The following ARL15 variants were observed in gnomAD, a reference collection of about 807,000 sequenced individuals.
ARL15 encodes the protein ARF like GTPase 15, also known as ADP-ribosylation factor-like protein 15.
Under a neutral mutation model 25.2 loss-of-function variants are expected in ARL15, and 19 were observed. The ratio of observed to expected loss-of-function variants is 0.75; its 90% CI spans 0.53 to 1.10. ARL15 has a LOEUF of 1.10. Among genes scored for constraint, ARL15 ranks in the 50% least tolerant of loss-of-function variants. The pLI, the probability that ARL15 is intolerant of heterozygous loss-of-function variation, is 0.00. For missense variants in ARL15, 220 were observed against 246.0 expected (o/e 0.89, Z 0.71); for synonymous variants, 94 against 86.8 (o/e 1.08, Z -0.46).
intron 4 of ARL15, among the ~76,000 whole-genome samples, chr5:54,070,358 C>A (rs1390522459): frequency 6.6e-6 from 1 of 151,388 alleles, no homozygotes; most frequent in East Asian, 2.0e-4. Context: ...CGCCACTGCA[C>A]CCCAGCCTGG....
intron 4 of ARL15, among the ~76,000 whole-genome samples, chr5:53,943,727 G>A (rs1306569487): frequency 2.0e-5 from 3 of 152,266 alleles, no homozygotes; most frequent in East Asian, 1.9e-4. Flanking sequence ...GAAGGAAAGT[G>A]CTCAAGGAAC....
chr5:53,973,339 C>T (rs967420561), intron 4 of ARL15, among the ~76,000 whole-genome samples: 2 of 151,744 alleles, frequency 1.3e-5, no homozygotes, highest in East Asian at 3.9e-4. Context: ...TTTGGGAAGC[C>T]GAGGCAGGTG....
intron 3 of ARL15, among the ~76,000 whole-genome samples, chr5:54,128,210 T>C (rs1187129220): frequency 6.6e-6 from 1 of 152,160 alleles, no homozygotes; most frequent in Non-Finnish European, 1.5e-5. Context: ...CCTTCCTTAA[T>C]TTTATTTTTT....
chr5:54,187,123 A>G (rs957023074), intron 1 of ARL15, among the ~76,000 whole-genome samples: 4 of 152,202 alleles, frequency 2.6e-5, no homozygotes, highest in African/African-American at 9.7e-5. Flanking sequence ...TAACACTATT[A>G]TAAGTTTAGG....
chr5:54,184,924 C>A (rs1160641811), intron 1 of ARL15, among the ~76,000 whole-genome samples: 1 of 152,126 alleles, frequency 6.6e-6, no homozygotes, highest in Non-Finnish European at 1.5e-5. Context: ...CCAATTCAGT[C>A]TCCAGAATAC....
chr5:54,069,454 C>T (rs963116319), intron 4 of ARL15, among the ~76,000 whole-genome samples: 13 of 150,344 alleles, frequency 8.6e-5, no homozygotes, highest in African/African-American at 2.9e-4. Flanking sequence ...GTCTGTAGTC[C>T]CAGCTACTCG....
At chr5:53,944,604 A>C (rs971300018) in intron 4 of ARL15, among the ~76,000 whole-genome samples, 1 of 152,036 alleles carries the variant, frequency 6.6e-6, no homozygotes, top group South Asian at 2.1e-4. Flanking sequence ...AAAACAAACA[A>C]ACAAACAAAA....
intron 1 of ARL15, among the ~76,000 whole-genome samples, chr5:54,192,954 G>C (rs1000891207): frequency 8.5e-5 from 13 of 152,096 alleles, no homozygotes; most frequent in African/African-American, 2.7e-4. Flanking sequence ...TATGTATGTA[G>C]GTCCAGTGAC....
At chr5:54,193,262 C>T (rs1376658704) in intron 1 of ARL15, among the ~76,000 whole-genome samples, 2 of 152,286 alleles carry the variant, frequency 1.3e-5, no homozygotes, top group East Asian at 3.9e-4. Flanking sequence ...AGCTTATCCT[C>T]AATCCTGTGT....
At chr5:54,278,021 G>A (rs140842454) in intron 1 of ARL15, among the ~76,000 whole-genome samples, 33 of 152,262 alleles carry the variant, frequency 2.2e-4, no homozygotes, top group African/African-American at 5.8e-4. Context: ...CATCTGGGCC[G>A]TTCAATGTTG....
At chr5:54,284,601 A>G (rs1668598387) in intron 1 of ARL15, among the ~76,000 whole-genome samples, 1 of 152,236 alleles carries the variant, frequency 6.6e-6, no homozygotes, top group South Asian at 2.1e-4. Context: ...TTTAGTTACT[A>G]AAAACCTACT....
intron 1 of ARL15, 126 bp downstream of exon 1, chr5:54,310,306 G>A: frequency 1.8e-6 from 2 of 1,091,896 alleles, no homozygotes; most frequent in Non-Finnish European, 2.6e-6. Context: ...AGCCGGCTGC[G>A]GGAGAAAGAA....
At chr5:53,921,398 T>C (rs941819730) in intron 4 of ARL15, among the ~76,000 whole-genome samples, 1 of 152,236 alleles carries the variant, frequency 6.6e-6, no homozygotes, top group African/African-American at 2.4e-5. Context: ...CCTTTTAACC[T>C]TGAACTTATG....
intron 1 of ARL15, among the ~76,000 whole-genome samples, chr5:54,175,679 G>C (rs1754851465): frequency 7.4e-6 from 1 of 134,770 alleles, no homozygotes; most frequent in South Asian, 2.3e-4. Flanking sequence ...TTTTAAGACA[G>C]TCTGTCTCTG....
At chr5:53,939,808 C>A (rs1202122019) in intron 4 of ARL15, among the ~76,000 whole-genome samples, 2 of 152,080 alleles carry the variant, frequency 1.3e-5, no homozygotes, top group Middle Eastern at 3.4e-3. Flanking sequence ...TTCCAATGTT[C>A]CTTACATTTG....
intron 4 of ARL15, among the ~76,000 whole-genome samples, chr5:54,052,306 G>A (rs1750726343): frequency 6.6e-6 from 1 of 152,096 alleles, no homozygotes; most frequent in Non-Finnish European, 1.5e-5. Flanking sequence ...GAAAGTCGGG[G>A]AAGCCTAGCA....
chr5:53,952,466 T>C (rs1191608081), intron 4 of ARL15, among the ~76,000 whole-genome samples: 1 of 152,154 alleles, frequency 6.6e-6, no homozygotes, highest in East Asian at 1.9e-4. Context: ...ACAAAAGTAA[T>C]TTTTAGCTTA....
At chr5:54,165,279 T>C (rs1252048679) in intron 2 of ARL15, among the ~76,000 whole-genome samples, 1 of 152,048 alleles carries the variant, frequency 6.6e-6, no homozygotes, top group Non-Finnish European at 1.5e-5. Flanking sequence ...GTAAATATTA[T>C]ATAATTATCC....
At chr5:54,304,462 G>A (rs751425054) in intron 1 of ARL15, among the ~76,000 whole-genome samples, 1 of 152,134 alleles carries the variant, frequency 6.6e-6, no homozygotes, top group Non-Finnish European at 1.5e-5. Context: ...CAAGCATGTG[G>A]CTTTGGCATC....
Sources: allele counts gnomAD v4.1 joint callset (sites outside exome capture counted in the v4.1 genomes callset), GRCh38; gene constraint gnomAD v4.1.1; transcripts MANE v1.5; gene names NCBI Gene and HGNC (gene_info 2026-07-23, HGNC 2026-07-21).